TM9SF4: variants seen among roughly 807,000 people sequenced by gnomAD.
TM9SF4 encodes the protein dinucleotide oxidase disulfide thiol exchanger 3 superfamily member 4.
In TM9SF4, 26 loss-of-function variants were observed where a neutral mutation model predicts 90.4. That is an observed-to-expected ratio of 0.29 (90% CI 0.21 to 0.40). The LOEUF (loss-of-function observed/expected upper bound fraction) is 0.40. Ranked by LOEUF, TM9SF4 falls within the 10% of genes least tolerant of loss-of-function variation. The probability of loss-of-function intolerance (pLI) is 1.00; values close to 1 mark genes in which losing one functional copy is unlikely to be tolerated. For synonymous variants in TM9SF4, 293 were observed against 315.4 expected (o/e 0.93, Z 0.75); for missense variants, 549 against 834.8 (o/e 0.66, Z 4.22).
At chr20:32,149,581 C>G in intron 9 of TM9SF4, 53 bp from the exon 10 acceptor site, 1 of 1,613,674 alleles carries the variant, frequency 6.2e-7, no homozygotes, top group East Asian at 2.2e-5. Flanking sequence ...GTGGTCCCTG[C>G]AAGAGCTGCC....
chr20:32,145,524 A>T, intron 8 of TM9SF4, 101 bp downstream of exon 8: 1 of 1,022,110 alleles, frequency 9.8e-7, no homozygotes, highest in Admixed American at 1.9e-5. Flanking sequence ...TCTGAGGGTC[A>T]GGCGTAGGTC....
At chr20:32,149,403 G>A (rs1024273696) in intron 9 of TM9SF4, among the ~76,000 whole-genome samples, 12 of 152,174 alleles carry the variant, frequency 7.9e-5, no homozygotes, top group Admixed American at 1.3e-4. Context: ...TCCCACAAAC[G>A]AGGTTTGTGG....
In TM9SF4 at chr20:32,150,952, A is replaced by G. The variant is rs1043217141; in HGVS notation, c.1245+77A>G. On this transcript the variant is annotated intron_variant, in intron 12 of 17. Coordinates refer to ENST00000398022, the MANE Select transcript of TM9SF4 (RefSeq NM_014742.4). ...CTGGGCTCCTCAGGAGAAGGTAGGC[A>G]GGTCCTGGTGGGGATTTTTGGGCCA... 1.5e-5 allele frequency: 24 copies of G among 1,557,056 alleles called. 1 individual carries two copies. In the South Asian group the frequency reaches 2.8e-4, roughly 18 times the overall value.
At position 32,145,417 on chromosome 20, in the gene TM9SF4, C is replaced by T. The variant is rs1168695800; in HGVS notation, c.877C>T (p.Leu293=). 1 of 1,613,956 alleles carries T rather than the reference C, an allele frequency of 6.2e-7. No individual in the cohort carries two copies. ...TAACTCCGTTGTTGTGGTCTTCTTCCTGTCAGGTGAGAGATCTGTGGGTTG... is the reference window on the plus strand; with the variant it reads ...TAACTCCGTTGTTGTGGTCTTCTTCTTGTCAGGTGAGAGATCTGTGGGTTG... The part of the protein sequence containing the change: ...IINSVVVVFF[L]SGILSMIIIR... Residue 293 remains leucine (L), a synonymous_variant, in exon 8 of 18, where the codon CTG becomes TTG. Transcript: ENST00000398022.
At position 32,109,731 on chromosome 20, in the gene TM9SF4, T is replaced by G. The variant is rs1426386717; in HGVS notation, c.-10T>G. On this transcript the variant is annotated 5_prime_UTR_variant, in exon 1 of 18. Coordinates refer to ENST00000398022, the MANE Select transcript of TM9SF4 (RefSeq NM_014742.4). ...CCGCTGACGTCATTACGGCGACACG[T>G]GGATCCAAGATGGCGACGGCGATGG... 5.2e-6 allele frequency: 8 copies of G among 1,551,388 alleles called. No individual in the cohort carries two copies. The East Asian group carries it at 2.0e-4, about 38-fold the overall frequency.
rs1365065331 is a variant in TM9SF4, at chr20:32,165,522, A to C, written c.*78A>C. On this transcript the variant is annotated 3_prime_UTR_variant, in exon 18 of 18. Transcript: ENST00000398022. ...GCGTGGGGGACTGCAGGCACGCAAA[A>C]TAAAATAACTCCTGCTCGTTTGGAA... 3 of 1,528,136 alleles carry C rather than the reference A, an allele frequency of 2.0e-6. No homozygotes were observed. The highest frequency in any genetic ancestry group is 2.7e-6 in the Non-Finnish European group (3 of 1,110,414). 94.7% of individuals were successfully genotyped at this position (1,528,136 alleles called of 1,614,324 possible).
chr20:32,120,883 A>T (rs946693589), intron 1 of TM9SF4, among the ~76,000 whole-genome samples: 2 of 152,226 alleles, frequency 1.3e-5, no homozygotes, highest in Admixed American at 1.3e-4. Context: ...TTCTACATCT[A>T]TTATGATGAT....
intron 1 of TM9SF4, among the ~76,000 whole-genome samples, chr20:32,123,051 T>C (rs1253897633): frequency 5.1e-4 from 76 of 149,196 alleles, no homozygotes; most frequent in African/African-American, 1.8e-3. Flanking sequence ...CGCCTGCAAT[T>C]GCAGGCACTC....
intron 17 of TM9SF4, 33 bp downstream of exon 17, chr20:32,161,398 C>T (rs1157008806): frequency 2.5e-6 from 4 of 1,596,854 alleles, no homozygotes; most frequent in Admixed American, 1.7e-5. Context: ...CCTCTTAGTC[C>T]TCATAGGGTA....
chr20:32,129,864 G>T (rs6087819), intron 1 of TM9SF4, among the ~76,000 whole-genome samples: 1 of 152,076 alleles, frequency 6.6e-6, no homozygotes. Context: ...TAGGATTATA[G>T]GCATGAGCTA....
intron 13 of TM9SF4, among the ~76,000 whole-genome samples, 175 bp downstream of exon 13, chr20:32,155,361 G>A (rs534716419): frequency 2.8e-4 from 43 of 152,230 alleles, no homozygotes; most frequent in Non-Finnish European, 4.3e-4. Context: ...CCTGCCCTTG[G>A]TGTGTCATGC....
intron 1 of TM9SF4, among the ~76,000 whole-genome samples, chr20:32,115,701 G>T (rs1053795000): frequency 6.6e-6 from 1 of 151,548 alleles, no homozygotes; most frequent in African/African-American, 2.4e-5. Context: ...TGTGACTTTG[G>T]ACTGATTGGT....
chr20:32,148,591 G>A lies in TM9SF4; in HGVS notation c.955-1043G>A, dbSNP rs145480255. Among the ~76,000 whole-genome samples the A allele has an allele frequency of 3.6e-3, 541 of 150,022 alleles. 3 individuals carry two copies. The highest frequency in any genetic ancestry group is 0.013 in the African/African-American group (518 of 40,800). Reference sequence around the variant, plus strand: ...AGAACTAAAACAGGCAACTTGTTTTGCACAGCAATTCTTCTATTATTTTTC... The same window carrying A: ...AGAACTAAAACAGGCAACTTGTTTTACACAGCAATTCTTCTATTATTTTTC... On this transcript the variant is annotated intron_variant, in intron 9 of 17. Transcript: ENST00000398022.
chr20:32,150,552 G>A (rs1299871520), intron 10 of TM9SF4, 70 bp from the exon 11 acceptor site: 2 of 1,593,318 alleles, frequency 1.3e-6, no homozygotes, highest in Admixed American at 3.3e-5. Flanking sequence ...TGGGGCTGGG[G>A]CTGGGGCTAG....
chr20:32,164,439 G>A (rs1325383429), intron 17 of TM9SF4, among the ~76,000 whole-genome samples: 1 of 152,146 alleles, frequency 6.6e-6, no homozygotes, highest in Non-Finnish European at 1.5e-5. Flanking sequence ...TTGAGCCCAG[G>A]AGGGTGAGGC....
chr20:32,130,564 A>AG (rs2122366608), intron 1 of TM9SF4, among the ~76,000 whole-genome samples: 1 of 152,358 alleles, frequency 6.6e-6, no homozygotes, highest in Admixed American at 6.5e-5. Context: ...ATGCCTAGTC[A>AG]GGTGGAGGAG....
intron 1 of TM9SF4, among the ~76,000 whole-genome samples, chr20:32,115,076 A>G (rs1355156201): frequency 6.6e-6 from 1 of 152,010 alleles, no homozygotes; most frequent in Non-Finnish European, 1.5e-5. Flanking sequence ...TGTTGGTTGT[A>G]TTGTCTGTCT....
chr20:32,156,937 A>ATTTTTTTT (rs1244272103), intron 13 of TM9SF4, among the ~76,000 whole-genome samples: 5 of 63,044 alleles, frequency 7.9e-5, no homozygotes, highest in Admixed American at 1.6e-4. Flanking sequence ...TTTCCTGGAC[A>ATTTTTTTT]TTTTCTTTTT....
intron 1 of TM9SF4, among the ~76,000 whole-genome samples, chr20:32,118,601 GTATTTATTTATTTATTTATTTATT>G (rs72123388): frequency 2.1e-5 from 3 of 146,190 alleles, no homozygotes; most frequent in African/African-American, 7.6e-5. Flanking sequence ...TTATTTTGTT[GTATTTATTTATTTATTTATTTATT>G]TATTTATTTA....
Sources: allele counts gnomAD v4.1 joint callset (sites outside exome capture counted in the v4.1 genomes callset), GRCh38; gene constraint gnomAD v4.1.1; transcripts MANE v1.5; gene names NCBI Gene and HGNC (gene_info 2026-07-23, HGNC 2026-07-21).